TET3: variants seen among roughly 807,000 people sequenced by gnomAD.
The protein encoded by TET3 is tet methylcytosine dioxygenase 3.
TET3 carries 19 observed loss-of-function variants against 141.4 expected under a neutral mutation model. That is an observed-to-expected ratio of 0.13 (90% CI 0.09 to 0.20). The LOEUF (loss-of-function observed/expected upper bound fraction) is 0.20. Among genes scored for constraint, TET3 ranks in the 10% least tolerant of loss-of-function variants. TET3 has a pLI of 1.00. For synonymous variants in TET3, 1,043 were observed against 980.9 expected, an observed-to-expected ratio of 1.06 and a Z score of -1.18; for missense variants, 1,874 against 2,356.9, an observed-to-expected ratio of 0.80 and a Z score of 4.24.
chr2:74,080,610 C>G lies in TET3; in HGVS notation c.2679+19C>G. ...AAAGTGGGTGAGTGTTGAGCCCACT[C>G]AAGAGCCACAGCTGTGCCTGGTTCC... On this transcript the variant is annotated intron_variant, in intron 6 of 11. Transcript: ENST00000409262. 1.2e-6 allele frequency: 2 copies of G among 1,600,260 alleles called. No individual in the cohort carries two copies. The highest frequency in any genetic ancestry group is 1.7e-6 in the Non-Finnish European group (2 of 1,173,134).
Position 74,087,153 on chromosome 2 carries a change from TTC to T in TET3, c.2680-673_2680-672del, listed in dbSNP as rs1213709907. Among the ~76,000 whole-genome samples the T allele has an allele frequency of 6.6e-6, 1 of 152,224 alleles. No homozygotes were observed. Among genetic ancestry groups the T allele is most frequent in the East Asian group, 1.9e-4 (1 of 5,202 alleles). ...GTTGTAACATGGATCAGAATTTTGT[TTC>T]TCTTTAAGGCTGAGTAATACTTGGT... On this transcript the variant is annotated intron_variant, in intron 6 of 11. Transcript: ENST00000409262. The surrounding 1 kb of genome is among the most constrained non-coding windows in gnomAD (Gnocchi z 4.3).
the TET3 span, among the ~76,000 whole-genome samples, chr2:74,116,593 G>A: frequency 4.6e-5 from 7 of 151,070 alleles, no homozygotes; most frequent in Non-Finnish European, 7.4e-5. Flanking sequence ...GCTGAGGCAC[G>A]AGAATTGCTT....
Position 74,102,844 on chromosome 2 carries a change from T to A in TET3, c.*668T>A, listed in dbSNP as rs922567438. The A allele has an allele frequency of 6.6e-6, 1 of 151,246 alleles. No homozygotes were observed. The highest frequency in any genetic ancestry group is 2.1e-4 in the South Asian group (1 of 4,786). The allele number at this position is 151,246 out of a possible 1,614,324, so 9.4% of individuals were successfully genotyped here. A position where few individuals can be genotyped will look rare whatever the true frequency, so the allele number is the denominator to read the frequency against. On this transcript the variant is annotated 3_prime_UTR_variant, in exon 12 of 12. Transcript: ENST00000409262. ...TGTCCTCTCTGATAGGATGGGAGAGTCTGCAGAAAACCATCTGGGGTCCCT... is the reference window on the plus strand; with the variant it reads ...TGTCCTCTCTGATAGGATGGGAGAGACTGCAGAAAACCATCTGGGGTCCCT...
intron 10 of TET3, among the ~76,000 whole-genome samples, chr2:74,096,069 T>A (rs1690806067): frequency 6.6e-6 from 1 of 152,138 alleles, no homozygotes; most frequent in Non-Finnish European, 1.5e-5. Context: ...TTATGTACTT[T>A]ACTTATTTTT....
intron 10 of TET3, among the ~76,000 whole-genome samples, chr2:74,096,125 G>A (rs1414678451): frequency 6.6e-6 from 1 of 151,970 alleles, no homozygotes; most frequent in Non-Finnish European, 1.5e-5. Flanking sequence ...AGTATCTCTT[G>A]TAGGAAATAC....
chr2:74,048,373 A>G lies in TET3; in HGVS notation c.2456A>G (p.Lys819Arg). 1 of 1,612,778 alleles carries G rather than the reference A, an allele frequency of 6.2e-7. No individual in the cohort carries two copies. Among genetic ancestry groups the G allele is most frequent in the Non-Finnish European group, 8.5e-7 (1 of 1,179,388 alleles). Reference protein sequence around the residue: ...PTKSLLDTPAKRAQAEFPTCD... With the variant: ...PTKSLLDTPARRAQAEFPTCD... ...AAGAGTCTGCTGGACACACCTGCCA[A>G]GAGAGCCCAGGCCGAGTTCCCCACC... Residue 819 changes from lysine to arginine, a missense_variant, in exon 4 of 12, where the codon AAG (lysine) becomes AGG (arginine). Lys to Arg is a conservative substitution (Grantham distance 26). Transcript: ENST00000409262.
chr2:74,019,239 A>C (rs1685901136), intron 3 of TET3, among the ~76,000 whole-genome samples: 1 of 152,254 alleles, frequency 6.6e-6, no homozygotes, highest in Admixed American at 6.5e-5. Flanking sequence ...TCTGGGCGAC[A>C]GAAGGAGACT....
In TET3 at chr2:74,102,047, G is replaced by A. The variant is rs530459008; in HGVS notation, c.5259G>A (p.Glu1753=). 32 of 1,538,226 alleles carry A rather than the reference G, an allele frequency of 2.1e-5. No individual in the cohort carries two copies. In the East Asian group the frequency reaches 6.6e-4, roughly 32 times the overall value. ...AGTGGGGGGGCACTGTGGTTGCTGA[G>A]CCCCAGCAGAAAGAGAAGAAGGGGG... The part of the protein sequence containing the change: ...KRKWGGTVVA[E]PQQKEKKGVV... Residue 1753 remains glutamate (E), a synonymous_variant, in exon 12 of 12, where the codon GAG becomes GAA. Transcript: ENST00000409262.
At chr2:74,110,105 T>TA (rs144198183), downstream of TET3, among the ~76,000 whole-genome samples, 154 of 152,306 alleles carry the variant, frequency 1.0e-3, no homozygotes, top group African/African-American at 3.4e-3. Flanking sequence ...ACTCTTGACA[T>TA]ATGCAAAGCT....
intron 5 of TET3, among the ~76,000 whole-genome samples, chr2:74,077,847 C>T (rs1192188586): frequency 6.6e-6 from 1 of 152,230 alleles, no homozygotes; most frequent in African/African-American, 2.4e-5. Flanking sequence ...GCTGTTCTCC[C>T]AACAGGGATC....
intron 3 of TET3, among the ~76,000 whole-genome samples, chr2:74,005,563 A>G (rs1685109461): frequency 6.6e-6 from 1 of 152,098 alleles, no homozygotes; most frequent in African/African-American, 2.4e-5. Flanking sequence ...TAAGAAGGAT[A>G]TGTCTGATGT....
chr2:74,086,177 G>T (rs1690147757), intron 6 of TET3, among the ~76,000 whole-genome samples: 1 of 152,102 alleles, frequency 6.6e-6, no homozygotes, highest in Non-Finnish European at 1.5e-5. Flanking sequence ...TCCTTCCCCT[G>T]CCCACAGGCC....
the TET3 span, among the ~76,000 whole-genome samples, chr2:74,123,725 C>G: frequency 6.6e-6 from 1 of 151,078 alleles, no homozygotes; most frequent in Non-Finnish European, 1.5e-5. Flanking sequence ...CGCCCATCGT[C>G]AGGGATGTGA....
At position 74,011,797 on chromosome 2, in the gene TET3, G is replaced by A. The variant is rs577759038; in HGVS notation, c.360+8631G>A. ...CTCATGCCATAATCCCAGCACTTTG[G>A]GAGGCCAAAGTGGGAGGATCACTTG... On this transcript the variant is annotated intron_variant, in intron 3 of 11. Coordinates refer to ENST00000409262, the MANE Select transcript of TET3 (RefSeq NM_001287491.2). Among the ~76,000 whole-genome samples the A allele has an allele frequency of 6.1e-4, 93 of 151,992 alleles. 1 individual carries two copies. Among genetic ancestry groups the A allele is most frequent in the African/African-American group, 2.1e-3 (89 of 41,470 alleles).
intron 4 of TET3, among the ~76,000 whole-genome samples, chr2:74,061,430 A>T (rs1459121996): frequency 1.0e-5 from 1 of 99,662 alleles, no homozygotes; most frequent in Non-Finnish European, 2.0e-5. Flanking sequence ...TGACCCCCCC[A>T]CCTCCCTCCC....
chr2:74,080,612 A>G (rs1248235346), intron 6 of TET3, 21 bp downstream of exon 6: 2 of 1,569,502 alleles, frequency 1.3e-6, no homozygotes, highest in Admixed American at 1.8e-5. Flanking sequence ...AGCCCACTCA[A>G]GAGCCACAGC....
intron 4 of TET3, among the ~76,000 whole-genome samples, chr2:74,059,769 C>T (rs958994338): frequency 6.6e-6 from 1 of 151,066 alleles, no homozygotes. Flanking sequence ...GCTAGTCTCC[C>T]ACCTTGGCCT....
intron 3 of TET3, among the ~76,000 whole-genome samples, chr2:74,019,257 T>C (rs1685902302): frequency 6.6e-6 from 1 of 152,218 alleles, no homozygotes; most frequent in South Asian, 2.1e-4. Context: ...ACTCTGTCTC[T>C]AATAAAAACC....
At chr2:74,061,246 AC>A (rs1401309755) in intron 4 of TET3, among the ~76,000 whole-genome samples, 2 of 129,144 alleles carry the variant, frequency 1.5e-5, no homozygotes, top group African/African-American at 2.9e-5. Flanking sequence ...CGGGGGGCTG[AC>A]CCCCCCACTT....
Sources: gnomAD v4.1 joint callset for allele counts (sites outside exome capture counted in the v4.1 genomes callset) on GRCh38, gnomAD v4.1.1 for gene constraint, Gnocchi (gnomAD v3.1) non-coding constraint, MANE v1.5 for transcripts, NCBI Gene and HGNC (gene_info 2026-07-23, HGNC 2026-07-21) for gene names.